ZMYM4: variants seen among roughly 807,000 people sequenced by gnomAD.
ZMYM4 encodes the protein zinc finger MYM-type containing 4.
Under a neutral mutation model 183.2 loss-of-function variants are expected in ZMYM4, and 31 were observed. The observed-to-expected ratio is 0.17, with a 90% CI of 0.13 to 0.23. ZMYM4 has a LOEUF of 0.23. Among genes scored for constraint, ZMYM4 ranks in the 10% least tolerant of loss-of-function variants. The pLI is 1.00. For missense variants in ZMYM4, 1,273 were observed against 1,840.3 expected (o/e 0.69, Z 5.64); for synonymous variants, 592 against 631.2 (o/e 0.94, Z 0.93).
At chr1:35,418,360 C>T (rs545397696) in intron 28 of ZMYM4, 83 bp from the exon 29 acceptor site, 20 of 1,469,752 alleles carry the variant, frequency 1.4e-5, no homozygotes, top group African/African-American at 7.1e-5. Flanking sequence ...GTTCTGGCTG[C>T]GAAGCAAAGC....
At chr1:35,271,360 GAA>G (rs200166984) in intron 1 of ZMYM4, among the ~76,000 whole-genome samples, 15 of 142,848 alleles carry the variant, frequency 1.1e-4, no homozygotes, top group South Asian at 4.4e-4. Flanking sequence ...AGGAATGCTG[GAA>G]AAAAAAAAAA....
rs1640281197 is a variant in ZMYM4 at position 35,420,248 on chromosome 1, A to C, written c.*571A>C. The stretch of plus-strand genomic sequence containing the variant: ...GCCAAGCCAATCATGTGAAGGACAG[A>C]AGCTTTTGCCATGGGCCCCTCACAT... On this transcript the variant is annotated 3_prime_UTR_variant, in exon 30 of 30. Coordinates refer to ENST00000314607, the MANE Select transcript of ZMYM4 (RefSeq NM_005095.3). 6.4e-6 allele frequency: 1 copy of C among 156,870 alleles called. No individual in the cohort carries two copies. The highest frequency in any genetic ancestry group is 6.1e-5 in the Admixed American group (1 of 16,380). The allele number at this position is 156,870 out of a possible 1,614,324, so 9.7% of individuals were successfully genotyped here.
Position 35,281,909 on chromosome 1 carries a change from A to G in ZMYM4, c.39+12824A>G, listed in dbSNP as rs574466347. Among the ~76,000 whole-genome samples, 4 of 152,262 alleles carry G rather than the reference A, an allele frequency of 2.6e-5. No individual in the cohort carries two copies. In the South Asian group the frequency reaches 8.3e-4, roughly 32 times the overall value. On this transcript the variant is annotated intron_variant, in intron 1 of 29. Coordinates refer to ENST00000314607, the MANE Select transcript of ZMYM4 (RefSeq NM_005095.3). ...ATATTTCATGTAAGTGGACTCATAC[A>G]ATATTTATCCTTTGGTGTCTGACAT... is the stretch of plus-strand genomic sequence containing the variant.
chr1:35,394,443 G>A lies in ZMYM4; in HGVS notation c.2911+704G>A, dbSNP rs755350804. ...CTTGCCCGTACTCACCAGGAATTTA[G>A]CCTCTTCAGCTTTCAGTTGGAGCGG... On this transcript the variant is annotated intron_variant, in intron 18 of 29. Coordinates refer to ENST00000314607, the MANE Select transcript of ZMYM4 (RefSeq NM_005095.3). Among the ~76,000 whole-genome samples, 148 of 152,126 alleles carry A rather than the reference G, an allele frequency of 9.7e-4. 1 individual carries two copies. In the Middle Eastern group the frequency reaches 0.041, roughly 42 times the overall value.
At chr1:35,402,029 T>A (rs1245082632) in intron 23 of ZMYM4, among the ~76,000 whole-genome samples, 1 of 151,958 alleles carries the variant, frequency 6.6e-6, no homozygotes, top group Non-Finnish European at 1.5e-5. Context: ...GCCTGGAAAT[T>A]AAGAGTGTAA....
Position 35,411,943 on chromosome 1 carries a change from C to T in ZMYM4, c.3949-2029C>T, listed in dbSNP as rs1273270457. Among the ~76,000 whole-genome samples, 6 of 152,206 alleles carry T rather than the reference C, an allele frequency of 3.9e-5. No individual in the cohort carries two copies. The East Asian group carries it at 7.7e-4, about 20-fold the overall frequency. On this transcript the variant is annotated intron_variant, in intron 26 of 29. Transcript: ENST00000314607. ...TGTCGCCCAGGCTGGAGTGCAGTGG[C>T]ACAATCTCAGCTCACTGCAAGCTCC...
chr1:35,399,598 C>A, intron 23 of ZMYM4, 22 bp downstream of exon 23: 1 of 1,612,480 alleles, frequency 6.2e-7, no homozygotes. Flanking sequence ...CTTAACTTTT[C>A]TAGACTTTTC....
chr1:35,311,855 T>C (rs753755850), intron 1 of ZMYM4, among the ~76,000 whole-genome samples: 12 of 152,198 alleles, frequency 7.9e-5, no homozygotes, highest in Non-Finnish European at 1.2e-4. Flanking sequence ...TTTCTTCTGA[T>C]ATTATTTCAC....
intron 15 of ZMYM4, among the ~76,000 whole-genome samples, chr1:35,391,187 A>G (rs1644697452): frequency 6.6e-6 from 1 of 152,238 alleles, no homozygotes; most frequent in Non-Finnish European, 1.5e-5. Flanking sequence ...AGTGAGCAGC[A>G]CAGCAGAGAA....
chr1:35,306,634 C>T (rs1312930294), intron 1 of ZMYM4, among the ~76,000 whole-genome samples: 3 of 152,004 alleles, frequency 2.0e-5, no homozygotes, highest in African/African-American at 7.3e-5. Context: ...AGTGGCTTTC[C>T]AGTAACCATA....
chr1:35,315,119 A>C (rs12127537), intron 1 of ZMYM4, among the ~76,000 whole-genome samples: 1 of 148,758 alleles, frequency 6.7e-6, no homozygotes, highest in Admixed American at 6.7e-5. Flanking sequence ...AATGGGCTCT[A>C]TTCTCTATAT....
intron 2 of ZMYM4, among the ~76,000 whole-genome samples, chr1:35,350,534 A>AC (rs1247102618): frequency 2.1e-5 from 3 of 141,398 alleles, no homozygotes; most frequent in African/African-American, 7.7e-5. Context: ...TAATCCGCCC[A>AC]CCCCACCCTC....
Position 35,378,218 on chromosome 1 carries a change from C to T in ZMYM4, c.1182-3041C>T, listed in dbSNP as rs146183869. 2.6e-5 allele frequency among the ~76,000 whole-genome samples: 4 copies of T among 152,302 alleles called. No homozygotes were observed. The East Asian group carries it at 7.7e-4, about 29-fold the overall frequency. On this transcript the variant is annotated intron_variant, in intron 7 of 29. Coordinates refer to ENST00000314607, the MANE Select transcript of ZMYM4 (RefSeq NM_005095.3). The stretch of plus-strand genomic sequence containing the variant: ...TTTCCTCCACAGAAGTCTCAAACTC[C>T]TCAGAGTCATCTGTGAGGATTGAAG...
intron 1 of ZMYM4, 97 bp downstream of exon 1, chr1:35,269,182 C>T (rs1036685834): frequency 5.6e-5 from 82 of 1,455,288 alleles, no homozygotes; most frequent in Middle Eastern, 2.3e-4. Flanking sequence ...GTCGCCGAGG[C>T]CCAGTTAGGA....
At chr1:35,285,983 C>T (rs1423500986) in intron 1 of ZMYM4, among the ~76,000 whole-genome samples, 1 of 152,106 alleles carries the variant, frequency 6.6e-6, no homozygotes, top group Admixed American at 6.6e-5. Context: ...AGATGAGGAA[C>T]AAGATGAGGA....
chr1:35,415,996 A>C (rs1570560950), intron 28 of ZMYM4, among the ~76,000 whole-genome samples: 1 of 152,262 alleles, frequency 6.6e-6, no homozygotes, highest in South Asian at 2.1e-4. Flanking sequence ...AAATTAAAAA[A>C]TACAAACAGG....
intron 2 of ZMYM4, among the ~76,000 whole-genome samples, chr1:35,353,405 C>T (rs570390741): frequency 6.6e-6 from 1 of 152,190 alleles, no homozygotes; most frequent in African/African-American, 2.4e-5. Context: ...CTTCTAACGA[C>T]TTCCTTTTAC....
intron 17 of ZMYM4, among the ~76,000 whole-genome samples, chr1:35,393,039 A>G (rs994084631): frequency 2.6e-5 from 4 of 152,334 alleles, no homozygotes; most frequent in Middle Eastern, 6.8e-3. Context: ...GACCCATTAC[A>G]GATTATACTG....
intron 26 of ZMYM4, among the ~76,000 whole-genome samples, chr1:35,411,383 A>C (rs1274269844): frequency 6.6e-6 from 1 of 151,232 alleles, no homozygotes; most frequent in Non-Finnish European, 1.5e-5. Context: ...TCTCGATCTC[A>C]TGACCTTGTG....
Sources: allele counts gnomAD v4.1 joint callset (sites outside exome capture counted in the v4.1 genomes callset), GRCh38; gene constraint gnomAD v4.1.1; transcripts MANE v1.5; gene names NCBI Gene and HGNC (gene_info 2026-07-23, HGNC 2026-07-21).